TPH2: variants seen among roughly 807,000 people sequenced by gnomAD.
TPH2 encodes the protein tryptophan hydroxylase 2, also known as tryptophan 5-hydroxylase 2.
In TPH2, 27 loss-of-function variants were observed where a neutral mutation model predicts 59.1. That is an observed-to-expected ratio of 0.46 (90% CI 0.34 to 0.63). The LOEUF (loss-of-function observed/expected upper bound fraction) is 0.63. Among genes scored for constraint, TPH2 ranks in the 30% least tolerant of loss-of-function variants. The pLI is 0.01. For missense variants in TPH2, 523 were observed against 588.3 expected (o/e 0.89, Z 1.15); for synonymous variants, 220 against 210.5 (o/e 1.05, Z -0.39).
chr12:71,962,716 T>G lies in TPH2; in HGVS notation c.609-9803T>G, dbSNP rs1294711719. 4 of 970,346 alleles carry G rather than the reference T, an allele frequency of 4.1e-6. No homozygotes were observed. The South Asian group carries it at 1.4e-4, about 35-fold the overall frequency. The allele number at this position is 970,346 out of a possible 1,614,324, so 60.1% of individuals were successfully genotyped here. A position where few individuals can be genotyped will look rare whatever the true frequency, so the allele number is the denominator to read the frequency against. ...ATTTACTCACTTAACAAATATTATT[T>G]TTTTGTTTTGTTTTGTTTTGTTTTG... On this transcript the variant is annotated intron_variant, in intron 5 of 10. Coordinates refer to ENST00000333850, the MANE Select transcript of TPH2 (RefSeq NM_173353.4).
intron 8 of TPH2, among the ~76,000 whole-genome samples, chr12:72,001,423 G>C (rs1231431804): frequency 6.6e-6 from 1 of 151,236 alleles, no homozygotes. Context: ...AAACAGCTTT[G>C]TGTTCTTTTT....
intron 8 of TPH2, among the ~76,000 whole-genome samples, chr12:72,003,701 G>T (rs1483892103): frequency 6.6e-6 from 1 of 152,128 alleles, no homozygotes; most frequent in Non-Finnish European, 1.5e-5. Flanking sequence ...CCATTATGAG[G>T]TGTTTGCCAT....
intron 5 of TPH2, among the ~76,000 whole-genome samples, chr12:71,970,981 C>T (rs1871957195): frequency 6.6e-6 from 1 of 152,128 alleles, no homozygotes; most frequent in South Asian, 2.1e-4. Context: ...GGAGAAACTC[C>T]ATTTGGACCT....
At chr12:72,025,376 T>G (rs894133651) in intron 9 of TPH2, among the ~76,000 whole-genome samples, 1 of 152,024 alleles carries the variant, frequency 6.6e-6, no homozygotes, top group African/African-American at 2.4e-5. Context: ...CTTCTCTTCT[T>G]AAACAGAACA....
chr12:71,964,883 C>A, intron 5 of TPH2: 1 of 381,560 alleles, frequency 2.6e-6, no homozygotes, highest in Non-Finnish European at 3.6e-6. Flanking sequence ...TTTCATCACC[C>A]AGGTGTTAAG....
intron 8 of TPH2, among the ~76,000 whole-genome samples, chr12:71,996,806 A>G (rs933520499): frequency 1.3e-5 from 2 of 152,226 alleles, no homozygotes; most frequent in Non-Finnish European, 2.9e-5. Flanking sequence ...AAACAGTGAC[A>G]TGAATACCAT....
At chr12:71,974,993 G>T (rs1222055631) in intron 6 of TPH2, among the ~76,000 whole-genome samples, 1 of 151,810 alleles carries the variant, frequency 6.6e-6, no homozygotes, top group East Asian at 1.9e-4. Context: ...TAGGCTTTTC[G>T]GGCCAAGAGG....
At chr12:71,944,219 A>T in intron 2 of TPH2, 75 bp from the exon 3 acceptor site, 1 of 1,527,046 alleles carries the variant, frequency 6.5e-7, no homozygotes, top group Non-Finnish European at 9.1e-7. Flanking sequence ...CTTGCTTAAG[A>T]TGTGAACAAG....
intron 8 of TPH2, among the ~76,000 whole-genome samples, chr12:72,008,851 C>A (rs977400023): frequency 6.6e-6 from 1 of 152,018 alleles, no homozygotes; most frequent in Non-Finnish European, 1.5e-5. Context: ...CAATTTGTTG[C>A]TACAAAGTGG....
chr12:71,974,510 C>T (rs2139205212), intron 6 of TPH2, among the ~76,000 whole-genome samples: 1 of 142,044 alleles, frequency 7.0e-6, no homozygotes, highest in South Asian at 2.4e-4. Context: ...GACTCTGACC[C>T]TTCTGCCTCC....
At chr12:71,952,986 C>T (rs1025510736) in intron 5 of TPH2, among the ~76,000 whole-genome samples, 2 of 152,088 alleles carry the variant, frequency 1.3e-5, no homozygotes, top group African/African-American at 2.4e-5. Flanking sequence ...ATGTTAATAC[C>T]GTTGTTTATA....
chr12:72,003,110 G>T (rs1285195856), intron 8 of TPH2, among the ~76,000 whole-genome samples: 1 of 152,094 alleles, frequency 6.6e-6, no homozygotes, highest in Non-Finnish European at 1.5e-5. Context: ...TGCCTACCTG[G>T]CTGGGGATGG....
chr12:71,954,565 G>T lies in TPH2; in HGVS notation c.608+4910G>T, dbSNP rs1027855248. On this transcript the variant is annotated intron_variant, in intron 5 of 10. Coordinates refer to ENST00000333850, the MANE Select transcript of TPH2 (RefSeq NM_173353.4). The stretch of plus-strand genomic sequence containing the variant: ...CAGTTCAGAGGAAATGGAAGTGTGT[G>T]GGGGGCAGATAGCCTGTGGAGGAAG... 3.9e-5 allele frequency among the ~76,000 whole-genome samples: 6 copies of T among 152,216 alleles called. No individual in the cohort carries two copies. The South Asian group carries it at 6.2e-4, about 16-fold the overall frequency.
chr12:72,000,224 G>A (rs1872788050), intron 8 of TPH2, among the ~76,000 whole-genome samples: 1 of 152,172 alleles, frequency 6.6e-6, no homozygotes, highest in Admixed American at 6.5e-5. Flanking sequence ...GTTCTACAGG[G>A]CAATAAAACC....
chr12:71,956,719 C>G (rs963811384), intron 5 of TPH2, among the ~76,000 whole-genome samples: 4 of 152,072 alleles, frequency 2.6e-5, no homozygotes, highest in African/African-American at 9.7e-5. Flanking sequence ...AGGTGATCCT[C>G]CTGCCTCAGC....
At chr12:71,957,955 T>C (rs1339721553) in intron 5 of TPH2, among the ~76,000 whole-genome samples, 1 of 152,214 alleles carries the variant, frequency 6.6e-6, no homozygotes, top group Admixed American at 6.5e-5. Flanking sequence ...CAGATTGTAT[T>C]AGGTTCCTTT....
At chr12:72,027,204 C>T (rs534493323) in intron 9 of TPH2, among the ~76,000 whole-genome samples, 1 of 152,298 alleles carries the variant, frequency 6.6e-6, no homozygotes, top group South Asian at 2.1e-4. Context: ...CCAGGGCAGA[C>T]ACTATCATAG....
At chr12:71,956,459 C>T (rs1314066430) in intron 5 of TPH2, among the ~76,000 whole-genome samples, 1 of 118,102 alleles carries the variant, frequency 8.5e-6, no homozygotes, top group Non-Finnish European at 1.7e-5. Flanking sequence ...TCCCTTTCTT[C>T]CTTCCTTCCT....
intron 8 of TPH2, among the ~76,000 whole-genome samples, chr12:72,015,989 G>A (rs1873239443): frequency 6.6e-6 from 1 of 152,170 alleles, no homozygotes; most frequent in African/African-American, 2.4e-5. Context: ...CTGACTGATA[G>A]TGGCCTTGTA....
Sources: allele counts gnomAD v4.1 joint callset (sites outside exome capture counted in the v4.1 genomes callset), GRCh38; gene constraint gnomAD v4.1.1; transcripts MANE v1.5; gene names NCBI Gene and HGNC (gene_info 2026-07-23, HGNC 2026-07-21).